The following FANCC variants were observed in gnomAD, a reference collection of about 807,000 sequenced individuals.
FANCC encodes the protein FA complementation group C.
Under a neutral mutation model 71.3 loss-of-function variants are expected in FANCC, and 55 were observed. The ratio of observed to expected loss-of-function variants is 0.77; its 90% confidence interval spans 0.62 to 0.97. The LOEUF (loss-of-function observed/expected upper bound fraction) is 0.97. FANCC is among the 50% of genes least tolerant of loss of function. The probability of loss-of-function intolerance (pLI) is 0.00; values close to 1 mark genes in which losing one functional copy is unlikely to be tolerated. For synonymous variants in FANCC, 275 were observed against 244.9 expected (o/e 1.12, Z -1.15); for missense variants, 678 against 670.9 (o/e 1.01, Z -0.12).
intron 4 of FANCC, among the ~76,000 whole-genome samples, chr9:95,175,358 A>T (rs1040811080): frequency 2.0e-5 from 3 of 152,224 alleles, no homozygotes; most frequent in African/African-American, 7.2e-5. Flanking sequence ...AAAAAAATGA[A>T]TCCACTGGAA....
intron 1 of FANCC, among the ~76,000 whole-genome samples, chr9:95,315,871 T>C (rs932914609): frequency 1.3e-5 from 2 of 152,240 alleles, no homozygotes; most frequent in Non-Finnish European, 2.9e-5. Context: ...ATAATTGTTA[T>C]TGGAACTACC....
intron 1 of FANCC, among the ~76,000 whole-genome samples, chr9:95,307,894 T>G (rs1299829288): frequency 6.6e-6 from 1 of 152,190 alleles, no homozygotes; most frequent in African/African-American, 2.4e-5. Context: ...TAACAGAAAT[T>G]TATCAGCTCC....
chr9:95,210,272 A>T (rs890467433), intron 4 of FANCC, among the ~76,000 whole-genome samples: 12 of 152,202 alleles, frequency 7.9e-5, no homozygotes, highest in African/African-American at 2.7e-4. Context: ...TATGTGGATG[A>T]TATTGAACAT....
intron 1 of FANCC, chr9:95,317,248 G>A (rs1365577443): frequency 1.3e-5 from 2 of 152,398 alleles, no homozygotes; most frequent in East Asian, 1.9e-4. Flanking sequence ...CCCCAGCGCC[G>A]GCTCCCGCCC....
chr9:95,244,862 G>A lies in FANCC; in HGVS notation c.250+2570C>T, dbSNP rs867337430. 1.5e-4 allele frequency among the ~76,000 whole-genome samples: 23 copies of A among 152,060 alleles called. No individual in the cohort carries two copies. In the Middle Eastern group the frequency reaches 0.017, roughly 112 times the overall value. ...AAGGTGGACTTTAAAGTCACATGAG[G>A]AGTGGGGTTCTGGCTCTTCTTAGTG... On this transcript the variant is annotated intron_variant, in intron 3 of 14. Coordinates refer to ENST00000289081, the MANE Select transcript of FANCC (RefSeq NM_000136.3).
intron 1 of FANCC, among the ~76,000 whole-genome samples, chr9:95,308,063 T>C (rs1484424418): frequency 1.3e-5 from 2 of 152,224 alleles, no homozygotes; most frequent in Non-Finnish European, 2.9e-5. Context: ...TTAGAAACAA[T>C]GTTTTTAAAA....
At chr9:95,252,274 C>CAAAAAAAAAAAAAAAAAAAAAAAAAAA (rs71366284) in intron 1 of FANCC, among the ~76,000 whole-genome samples, 7 of 50,152 alleles carry the variant, frequency 1.4e-4, no homozygotes, top group East Asian at 6.7e-4. Flanking sequence ...GAGACTGATT[C>CAAAAAAAAAAAAAAAAAAAAAAAAAAA]AAAAAAAAAA....
chr9:95,302,657 C>T (rs931152526), intron 1 of FANCC, among the ~76,000 whole-genome samples: 4 of 152,198 alleles, frequency 2.6e-5, no homozygotes, highest in African/African-American at 9.7e-5. Context: ...TCTGACAGTT[C>T]CTTCTAAAGC....
chr9:95,109,336 C>T (rs2071722118), intron 13 of FANCC, among the ~76,000 whole-genome samples: 1 of 152,132 alleles, frequency 6.6e-6, no homozygotes, highest in Admixed American at 6.5e-5. Context: ...TATTTATGAA[C>T]AATGCTGTGC....
chr9:95,295,321 T>C (rs1289647738), intron 1 of FANCC, among the ~76,000 whole-genome samples: 4 of 152,008 alleles, frequency 2.6e-5, no homozygotes. Context: ...ATATATTATA[T>C]AAGGAACTCA....
intron 4 of FANCC, among the ~76,000 whole-genome samples, chr9:95,210,799 A>G (rs1452625574): frequency 6.6e-6 from 1 of 152,206 alleles, no homozygotes; most frequent in African/African-American, 2.4e-5. Context: ...CAACTTAACA[A>G]TCTTAACAAA....
Position 95,125,085 on chromosome 9 carries a change from C to A in FANCC, c.996+1G>T, listed in dbSNP as rs370510954. 13 of 1,613,516 alleles carry A rather than the reference C, an allele frequency of 8.1e-6. No homozygotes were observed. The highest frequency in any genetic ancestry group is 1.7e-5 in the Admixed American group (1 of 60,006). On this transcript the variant is annotated splice_donor_variant, in intron 10 of 14. Transcript: ENST00000289081. LOFTEE classifies it high-confidence loss of function. ...TGAGTAATATATGTGATATAACAAA[C>A]CTGCTTGCTTGCTTTCTCCAGAGCT...
rs769237364 is a variant in FANCC at position 95,111,319 on chromosome 9, C to T, written c.1329+144G>A. The T allele has an allele frequency of 1.3e-6, 2 of 1,594,712 alleles. No individual in the cohort carries two copies. Among genetic ancestry groups the T allele is most frequent in the Admixed American group, 1.7e-5 (1 of 59,388 alleles). On this transcript the variant is annotated intron_variant, in intron 13 of 14. Coordinates refer to ENST00000289081, the MANE Select transcript of FANCC (RefSeq NM_000136.3). Reference sequence around the variant, plus strand: ...GACCACAAGGCTGGAGATCACCATGCCTGCAGGTTGCCATGACATATGCCA... The same window carrying T: ...GACCACAAGGCTGGAGATCACCATGTCTGCAGGTTGCCATGACATATGCCA...
intron 4 of FANCC, among the ~76,000 whole-genome samples, chr9:95,205,892 A>C (rs552864467): frequency 1.1e-3 from 160 of 152,308 alleles, no homozygotes; most frequent in African/African-American, 3.8e-3. Flanking sequence ...AAAGGAAACA[A>C]GCGGTAAAAG....
intron 8 of FANCC, among the ~76,000 whole-genome samples, chr9:95,129,620 T>C (rs780918310): frequency 6.6e-6 from 1 of 152,206 alleles, no homozygotes; most frequent in African/African-American, 2.4e-5. Context: ...GTGGTTTCCA[T>C]CTGTTTGTTT....
At chr9:95,251,403 C>A (rs550180979) in intron 1 of FANCC, among the ~76,000 whole-genome samples, 1 of 152,268 alleles carries the variant, frequency 6.6e-6, no homozygotes, top group East Asian at 1.9e-4. Context: ...GCAACCTCCA[C>A]CTCCTGGGTT....
At chr9:95,110,724 AC>A (rs756898537) in intron 13 of FANCC, 438 of 750,556 alleles carry the variant, frequency 5.8e-4, no homozygotes, top group Non-Finnish European at 6.6e-4. Flanking sequence ...GTCCTCTTTA[AC>A]TACTAAGATC....
chr9:95,166,669 A>C (rs1435921713), intron 6 of FANCC, among the ~76,000 whole-genome samples: 1 of 152,168 alleles, frequency 6.6e-6, no homozygotes. Context: ...CCATGGATTC[A>C]ACTAAATCAT....
At chr9:95,143,062 G>T (rs1829008823) in intron 7 of FANCC, among the ~76,000 whole-genome samples, 1 of 152,148 alleles carries the variant, frequency 6.6e-6, no homozygotes, top group Non-Finnish European at 1.5e-5. Context: ...TATAAAATCA[G>T]AGGTTCCAAT....
Sources: allele counts gnomAD v4.1 joint callset (sites outside exome capture counted in the v4.1 genomes callset), GRCh38; gene constraint gnomAD v4.1.1; transcripts MANE v1.5; gene names NCBI Gene and HGNC (gene_info 2026-07-23, HGNC 2026-07-21).